Variants in CDH18 observed in about 807,000 individuals in gnomAD.
The protein encoded by CDH18 is cadherin-18.
CDH18 carries 31 observed loss-of-function variants against 67.9 expected under a neutral mutation model. That is an observed-to-expected ratio of 0.46 (90% CI 0.34 to 0.62). The LOEUF (loss-of-function observed/expected upper bound fraction) is 0.62, where lower values mean the gene tolerates loss of function less well. Ranked by LOEUF, CDH18 falls within the 20% of genes least tolerant of loss-of-function variation. The pLI, the probability that CDH18 is intolerant of heterozygous loss-of-function variation, is 0.01. For synonymous variants in CDH18, 362 were observed against 347.2 expected, an observed-to-expected ratio of 1.04 and a Z score of -0.48; for missense variants, 890 against 975.5, an observed-to-expected ratio of 0.91 and a Z score of 1.17.
chr5:19,722,296 C>T (rs757879929), intron 4 of CDH18, among the ~76,000 whole-genome samples: 28 of 151,838 alleles, frequency 1.8e-4, no homozygotes, highest in South Asian at 6.2e-4. Flanking sequence ...TCTGGTGATC[C>T]GCCCCGCTCA....
At chr5:20,555,228 A>G (rs1019935709) in intron 1 of CDH18, among the ~76,000 whole-genome samples, 1 of 152,076 alleles carries the variant, frequency 6.6e-6, no homozygotes, top group Non-Finnish European at 1.5e-5. Flanking sequence ...GAAGACAGCC[A>G]TCTACCGGCC....
At position 19,961,796 on chromosome 5, in the gene CDH18, C is replaced by T. The variant is rs182763315; in HGVS notation, c.-257+19264G>A. ...TCATTTTGTTGTCCTGATTCCAGCT[C>T]AAAAGGCTTTTTTAAGTTTTTATTA... is the stretch of plus-strand genomic sequence containing the variant. On this transcript the variant is annotated intron_variant, in intron 2 of 12. Transcript: ENST00000382275. 1.6e-4 allele frequency among the ~76,000 whole-genome samples: 24 copies of T among 152,080 alleles called. No individual in the cohort carries two copies. In the East Asian group the frequency reaches 3.1e-3, roughly 20 times the overall value.
At chr5:20,525,208 G>A (rs889905500) in intron 1 of CDH18, among the ~76,000 whole-genome samples, 2 of 152,082 alleles carry the variant, frequency 1.3e-5, no homozygotes, top group Non-Finnish European at 2.9e-5. Context: ...TCTTGCTGGG[G>A]GGACTGCTGG....
chr5:20,516,812 T>C (rs541939449), intron 1 of CDH18, among the ~76,000 whole-genome samples: 2 of 151,926 alleles, frequency 1.3e-5, no homozygotes, highest in African/African-American at 4.8e-5. Context: ...GTAGGACTTC[T>C]TAACTTTGGA....
Position 19,623,928 on chromosome 5 carries a change from GATTT to G in CDH18, c.644-11331_644-11328del, listed in dbSNP as rs200549638. Among the ~76,000 whole-genome samples the G allele has an allele frequency of 7.2e-3, 1,068 of 149,250 alleles. 14 individuals carry two copies. Among genetic ancestry groups the G allele is most frequent in the African/African-American group, 0.025 (1,012 of 40,928 alleles). On this transcript the variant is annotated intron_variant, in intron 5 of 12. Transcript: ENST00000382275. ...TCTGGTTTCCTAATTTATAAAAAAT[GATTT>G]ATTTCTCTTTTATATCATGATTTAA... is the stretch of plus-strand genomic sequence containing the variant.
At chr5:19,682,514 G>A (rs1760476179) in intron 5 of CDH18, among the ~76,000 whole-genome samples, 1 of 152,000 alleles carries the variant, frequency 6.6e-6, no homozygotes, top group African/African-American at 2.4e-5. Flanking sequence ...GAGTCACAGA[G>A]TGGGCTGAGT....
At chr5:20,118,468 C>T (rs921231345) in intron 2 of CDH18, among the ~76,000 whole-genome samples, 1 of 152,098 alleles carries the variant, frequency 6.6e-6, no homozygotes, top group African/African-American at 2.4e-5. Context: ...CTACGCTTAC[C>T]TGTTATAATA....
intron 5 of CDH18, among the ~76,000 whole-genome samples, chr5:19,685,561 T>C (rs535708158): frequency 4.6e-5 from 7 of 152,296 alleles, no homozygotes; most frequent in African/African-American, 1.7e-4. Context: ...CCAGGATTTT[T>C]TCCCCATCTC....
intron 2 of CDH18, among the ~76,000 whole-genome samples, chr5:19,937,800 A>G (rs1473903150): frequency 6.6e-6 from 1 of 151,114 alleles, no homozygotes; most frequent in Non-Finnish European, 1.5e-5. Flanking sequence ...TTATATATAT[A>G]GAGAGAGACA....
At chr5:20,290,318 C>A (rs116420735) in intron 1 of CDH18, among the ~76,000 whole-genome samples, 1 of 152,098 alleles carries the variant, frequency 6.6e-6, no homozygotes, top group South Asian at 2.1e-4. Flanking sequence ...TCAAAACAGG[C>A]ATGCTTCTTA....
chr5:19,724,101 T>C (rs1454592547), intron 4 of CDH18, among the ~76,000 whole-genome samples: 1 of 152,182 alleles, frequency 6.6e-6, no homozygotes, highest in African/African-American at 2.4e-5. Context: ...AGCCCCACAC[T>C]GGAAACCATC....
chr5:19,519,437 T>G (rs1746545991), intron 10 of CDH18, among the ~76,000 whole-genome samples: 1 of 152,138 alleles, frequency 6.6e-6, no homozygotes, highest in East Asian at 1.9e-4. Context: ...TTGGGTTCAC[T>G]AAAGACAATA....
At chr5:20,016,523 G>C (rs935732766) in intron 2 of CDH18, among the ~76,000 whole-genome samples, 2 of 152,152 alleles carry the variant, frequency 1.3e-5, no homozygotes, top group Admixed American at 6.6e-5. Flanking sequence ...AGCATAAATG[G>C]AGGATGCTGA....
At chr5:20,427,830 C>T (rs1042785747) in intron 1 of CDH18, among the ~76,000 whole-genome samples, 2 of 151,090 alleles carry the variant, frequency 1.3e-5, no homozygotes, top group Non-Finnish European at 2.9e-5. Flanking sequence ...TGAAGAAATG[C>T]AACATTTAGG....
At chr5:19,482,369 G>A (rs903419795) in intron 12 of CDH18, among the ~76,000 whole-genome samples, 22 of 152,172 alleles carry the variant, frequency 1.4e-4, no homozygotes, top group African/African-American at 5.3e-4. Context: ...GCCCGCCTCG[G>A]CCTCCCAAAG....
At chr5:19,894,061 T>G (rs903822968) in intron 2 of CDH18, among the ~76,000 whole-genome samples, 2 of 152,096 alleles carry the variant, frequency 1.3e-5, no homozygotes, top group South Asian at 2.1e-4. Context: ...GATTGAAAAG[T>G]AAGAGATTTT....
chr5:19,475,047 T>C (rs1336938880), intron 12 of CDH18, among the ~76,000 whole-genome samples: 1 of 152,088 alleles, frequency 6.6e-6, no homozygotes, highest in African/African-American at 2.4e-5. Flanking sequence ...ATGATGGTGA[T>C]AATGATGCCC....
At chr5:20,446,209 G>C (rs374332176) in intron 1 of CDH18, among the ~76,000 whole-genome samples, 1 of 152,084 alleles carries the variant, frequency 6.6e-6, no homozygotes, top group African/African-American at 2.4e-5. Context: ...ATTTTCACCT[G>C]TGCCCTAGTT....
chr5:20,273,920 C>T (rs1188306598), intron 1 of CDH18, among the ~76,000 whole-genome samples: 6 of 152,124 alleles, frequency 3.9e-5, no homozygotes, highest in Middle Eastern at 3.4e-3. Context: ...CAGGTAAATA[C>T]GATTTTTGGA....
Sources: allele counts gnomAD v4.1 joint callset (sites outside exome capture counted in the v4.1 genomes callset), GRCh38; gene constraint gnomAD v4.1.1; transcripts MANE v1.5; gene names NCBI Gene and HGNC (gene_info 2026-07-23, HGNC 2026-07-21).